PCDH9: variants seen among roughly 807,000 people sequenced by gnomAD.
The protein encoded by PCDH9 is protocadherin 9.
PCDH9 carries 24 observed loss-of-function variants against 70.6 expected under a neutral mutation model. That is an observed-to-expected ratio of 0.34 (90% CI 0.25 to 0.48). The LOEUF is 0.48. Ranked by LOEUF, PCDH9 falls within the 20% of genes least tolerant of loss-of-function variation. The pLI, the probability that PCDH9 is intolerant of heterozygous loss-of-function variation, is 0.99. For missense variants in PCDH9, 1,281 were observed against 1,503.6 expected, an observed-to-expected ratio of 0.85 and a Z score of 2.45; for synonymous variants, 562 against 558.5, an observed-to-expected ratio of 1.01 and a Z score of -0.09.
At chr13:66,708,196 C>T (rs1008015893) in intron 3 of PCDH9, among the ~76,000 whole-genome samples, 3 of 150,686 alleles carry the variant, frequency 2.0e-5, no homozygotes, top group Non-Finnish European at 3.0e-5. Flanking sequence ...ACTACAGGCG[C>T]CCGCCACTAC....
intron 2 of PCDH9, among the ~76,000 whole-genome samples, chr13:67,053,431 G>C (rs781440859): frequency 2.8e-4 from 42 of 152,106 alleles, no homozygotes; most frequent in Admixed American, 1.7e-3. Flanking sequence ...ACGGTTGATG[G>C]GGAAATTCCA....
chr13:66,641,231 G>C (rs1214637544), intron 3 of PCDH9, among the ~76,000 whole-genome samples: 27 of 151,942 alleles, frequency 1.8e-4, no homozygotes, highest in Admixed American at 1.8e-3. Flanking sequence ...ATCTTTTTCA[G>C]CAAAAAAAGA....
intron 2 of PCDH9, among the ~76,000 whole-genome samples, chr13:66,993,510 A>G (rs1594363122): frequency 2.6e-5 from 4 of 152,160 alleles, no homozygotes; most frequent in African/African-American, 9.7e-5. Flanking sequence ...GGGAGGCTGA[A>G]TTAGTGGACC....
intron 2 of PCDH9, among the ~76,000 whole-genome samples, chr13:67,056,000 A>T (rs907071891): frequency 3.9e-5 from 6 of 152,192 alleles, no homozygotes; most frequent in African/African-American, 1.2e-4. Flanking sequence ...GAAATTTTTT[A>T]AAAAAGAACA....
intron 3 of PCDH9, among the ~76,000 whole-genome samples, chr13:66,752,351 C>T (rs1341897529): frequency 6.6e-6 from 1 of 152,166 alleles, no homozygotes; most frequent in African/African-American, 2.4e-5. Context: ...TTGAGATATG[C>T]AACGGTGCAA....
chr13:67,163,932 G>T (rs945033497), intron 2 of PCDH9, among the ~76,000 whole-genome samples: 20 of 152,128 alleles, frequency 1.3e-4, no homozygotes, highest in African/African-American at 4.8e-4. Context: ...AAAAGATAAT[G>T]GGGGTCTCTT....
At chr13:67,132,553 T>C (rs2087133376) in intron 2 of PCDH9, among the ~76,000 whole-genome samples, 1 of 152,128 alleles carries the variant, frequency 6.6e-6, no homozygotes, top group South Asian at 2.1e-4. Flanking sequence ...AAGGCATGTG[T>C]GTCAAATAGG....
intron 2 of PCDH9, among the ~76,000 whole-genome samples, chr13:67,137,867 A>T (rs2087272655): frequency 6.6e-6 from 1 of 152,184 alleles, no homozygotes; most frequent in Non-Finnish European, 1.5e-5. Flanking sequence ...CATCTCAAAA[A>T]TGTCCAAAAA....
At chr13:67,123,354 T>G (rs1280066120) in intron 2 of PCDH9, among the ~76,000 whole-genome samples, 1 of 152,198 alleles carries the variant, frequency 6.6e-6, no homozygotes, top group Non-Finnish European at 1.5e-5. Context: ...CCCCAGTTAG[T>G]GAGAATCAAG....
At chr13:66,751,074 TTTA>T (rs2079450642) in intron 3 of PCDH9, among the ~76,000 whole-genome samples, 1 of 152,196 alleles carries the variant, frequency 6.6e-6, no homozygotes, top group African/African-American at 2.4e-5. Context: ...ACTTAATCTC[TTTA>T]TTAAGTTCTC....
At chr13:66,961,877 C>T (rs535618091) in intron 2 of PCDH9, among the ~76,000 whole-genome samples, 1 of 151,780 alleles carries the variant, frequency 6.6e-6, no homozygotes, top group African/African-American at 2.4e-5. Flanking sequence ...ATGGTGAAAC[C>T]CCGTCTCTAC....
intron 2 of PCDH9, among the ~76,000 whole-genome samples, chr13:66,943,772 T>A (rs1037373233): frequency 6.6e-6 from 1 of 152,030 alleles, no homozygotes; most frequent in African/African-American, 2.4e-5. Flanking sequence ...TTCAAGCAAT[T>A]CATCTGTATC....
chr13:66,330,464 A>G (rs1270742364), intron 4 of PCDH9, among the ~76,000 whole-genome samples: 2 of 152,164 alleles, frequency 1.3e-5, no homozygotes, highest in Non-Finnish European at 2.9e-5. Context: ...TCAGACTCTT[A>G]TTCTTTCTGC....
chr13:66,960,261 A>C (rs1208928900), intron 2 of PCDH9, among the ~76,000 whole-genome samples: 1 of 152,226 alleles, frequency 6.6e-6, no homozygotes, highest in Non-Finnish European at 1.5e-5. Context: ...GTTTAAAAGA[A>C]AATAATCACA....
intron 2 of PCDH9, among the ~76,000 whole-genome samples, chr13:66,996,523 T>C (rs2084119731): frequency 1.3e-5 from 2 of 152,182 alleles, no homozygotes; most frequent in Admixed American, 6.5e-5. Context: ...AATTTAATTG[T>C]TAAAGAATAA....
chr13:66,734,644 T>C (rs1593973457), intron 3 of PCDH9, among the ~76,000 whole-genome samples: 1 of 152,156 alleles, frequency 6.6e-6, no homozygotes, highest in South Asian at 2.1e-4. Flanking sequence ...GTCTACCTCT[T>C]CTAAGTTTCA....
At chr13:66,650,778 T>G (rs2077840117) in intron 3 of PCDH9, among the ~76,000 whole-genome samples, 1 of 151,870 alleles carries the variant, frequency 6.6e-6, no homozygotes, top group South Asian at 2.1e-4. Context: ...AGACCATATA[T>G]CAGGCCACAA....
intron 4 of PCDH9, among the ~76,000 whole-genome samples, chr13:66,561,894 T>C (rs1158403750): frequency 6.6e-6 from 1 of 152,108 alleles, no homozygotes; most frequent in Non-Finnish European, 1.5e-5. Flanking sequence ...GTGGAAGCTT[T>C]GTTCTTTCGC....
chr13:66,352,478 T>C (rs1008269442), intron 4 of PCDH9, among the ~76,000 whole-genome samples: 4 of 152,112 alleles, frequency 2.6e-5, no homozygotes, highest in African/African-American at 9.7e-5. Flanking sequence ...ATAAGTTCCA[T>C]TCTTAAGCCT....
Sources: gnomAD v4.1 joint callset for allele counts (sites outside exome capture counted in the v4.1 genomes callset) on GRCh38, gnomAD v4.1.1 for gene constraint, MANE v1.5 for transcripts, NCBI Gene and HGNC (gene_info 2026-07-23, HGNC 2026-07-21) for gene names.